Variants in RBMS1 observed in about 807,000 individuals in gnomAD.
RBMS1 encodes the protein RNA binding motif single stranded interacting protein 1, also known as RNA-binding motif, single-stranded-interacting protein 1.
A neutral mutation model predicts 62.3 loss-of-function variants in RBMS1; 17 were observed. The observed-to-expected ratio is 0.27, with a 90% confidence interval of 0.19 to 0.41. The LOEUF (loss-of-function observed/expected upper bound fraction) is 0.41, where lower values mean the gene tolerates loss of function less well. Among genes scored for constraint, RBMS1 ranks in the 10% least tolerant of loss-of-function variants. RBMS1 has a pLI of 1.00. For missense variants in RBMS1, 334 were observed against 504.5 expected, an observed-to-expected ratio of 0.66 and a Z score of 3.24; for synonymous variants, 172 against 170.0, an observed-to-expected ratio of 1.01 and a Z score of -0.09.
intron 1 of RBMS1, among the ~76,000 whole-genome samples, chr2:160,390,762 G>C (rs1694825198): frequency 6.6e-6 from 1 of 151,226 alleles, no homozygotes; most frequent in Non-Finnish European, 1.5e-5. Context: ...ACAAAGCAGA[G>C]GATGGGAAGA....
intron 1 of RBMS1, among the ~76,000 whole-genome samples, chr2:160,428,077 C>T (rs1190644480): frequency 1.3e-5 from 2 of 151,938 alleles, no homozygotes; most frequent in African/African-American, 2.4e-5. Context: ...GGCTATAAGA[C>T]TTTCCATGTA....
At chr2:160,303,552 C>T in intron 4 of RBMS1, 65 bp from the exon 5 acceptor site, 3 of 1,493,806 alleles carry the variant, frequency 2.0e-6, no homozygotes, top group Non-Finnish European at 2.7e-6. Flanking sequence ...TGTTAACACA[C>T]CTATTTTTAT....
At chr2:160,355,022 A>C (rs1405380667) in intron 2 of RBMS1, among the ~76,000 whole-genome samples, 5 of 152,122 alleles carry the variant, frequency 3.3e-5, no homozygotes, top group South Asian at 2.1e-4. Context: ...ATTTCGTCTC[A>C]AAAGTCTCCA....
intron 2 of RBMS1, among the ~76,000 whole-genome samples, chr2:160,344,583 A>C (rs1206230604): frequency 6.6e-6 from 1 of 152,178 alleles, no homozygotes; most frequent in African/African-American, 2.4e-5. Context: ...TAAATTATTC[A>C]AAAGGAGGTC....
chr2:160,403,163 T>C (rs564750880), intron 1 of RBMS1, among the ~76,000 whole-genome samples: 2 of 152,136 alleles, frequency 1.3e-5, no homozygotes, highest in Non-Finnish European at 2.9e-5. Context: ...TAAAATATCA[T>C]CATCATGACT....
chr2:160,384,330 A>G (rs1694456351), intron 1 of RBMS1, among the ~76,000 whole-genome samples: 1 of 152,244 alleles, frequency 6.6e-6, no homozygotes, highest in Non-Finnish European at 1.5e-5. Context: ...GAAATTTAAA[A>G]TGTCATTAGA....
intron 1 of RBMS1, among the ~76,000 whole-genome samples, chr2:160,392,388 G>C (rs1258703189): frequency 6.6e-6 from 1 of 151,930 alleles, no homozygotes; most frequent in Non-Finnish European, 1.5e-5. Context: ...CAGTTACAAA[G>C]GCAGTGCTGA....
intron 10 of RBMS1, chr2:160,278,864 G>A: frequency 2.0e-6 from 1 of 497,862 alleles, no homozygotes; most frequent in Non-Finnish European, 3.6e-6. Flanking sequence ...AGCGTTAGGG[G>A]AAATGATATC....
chr2:160,336,003 C>T (rs1325475287), intron 2 of RBMS1, among the ~76,000 whole-genome samples: 1 of 152,212 alleles, frequency 6.6e-6, no homozygotes, highest in African/African-American at 2.4e-5. Context: ...TCATCATTTT[C>T]TCCTGTTATT....
At chr2:160,405,502 G>T (rs941876168) in intron 1 of RBMS1, among the ~76,000 whole-genome samples, 1 of 152,148 alleles carries the variant, frequency 6.6e-6, no homozygotes, top group African/African-American at 2.4e-5. Flanking sequence ...CCAGGTCCCC[G>T]CGCTGGAAGT....
chr2:160,438,438 G>A (rs1683212021), intron 1 of RBMS1, among the ~76,000 whole-genome samples: 1 of 151,838 alleles, frequency 6.6e-6, no homozygotes, highest in African/African-American at 2.4e-5. Flanking sequence ...CTGGGTACTT[G>A]AGATTAGGGA....
intron 2 of RBMS1, among the ~76,000 whole-genome samples, chr2:160,331,948 T>C (rs893125825): frequency 6.6e-6 from 1 of 151,990 alleles, no homozygotes; most frequent in Non-Finnish European, 1.5e-5. Flanking sequence ...AGCAGAAAAA[T>C]AGGTGCCATG....
rs138135152 is a variant in RBMS1, at chr2:160,305,943, T to A, written c.403-2456A>T. On this transcript the variant is annotated intron_variant, in intron 4 of 13. Coordinates refer to ENST00000348849, the MANE Select transcript of RBMS1 (RefSeq NM_016836.4). ...TGGGACCAAGAGTTTGAGACCAGCCTAGACAACACAGTGAGACCTCATCTC... is the reference window on the plus strand; with the variant it reads ...TGGGACCAAGAGTTTGAGACCAGCCAAGACAACACAGTGAGACCTCATCTC... Among the ~76,000 whole-genome samples the A allele has an allele frequency of 3.2e-3, 494 of 152,148 alleles. 5 individuals are homozygous for A. The highest frequency in any genetic ancestry group is 0.011 in the African/African-American group (476 of 41,488).
At chr2:160,331,504 C>T (rs1376639899) in intron 2 of RBMS1, among the ~76,000 whole-genome samples, 2 of 152,276 alleles carry the variant, frequency 1.3e-5, no homozygotes, top group East Asian at 1.9e-4. Flanking sequence ...TAGGTGTGTG[C>T]CCTTGGACTG....
chr2:160,404,394 G>A (rs116763989), intron 1 of RBMS1, among the ~76,000 whole-genome samples: 170 of 152,180 alleles, frequency 1.1e-3, no homozygotes, highest in African/African-American at 2.3e-3. Flanking sequence ...CTACACAGTC[G>A]ACCCTCCGTA....
At chr2:160,352,843 T>C (rs956194384) in intron 2 of RBMS1, among the ~76,000 whole-genome samples, 2 of 152,134 alleles carry the variant, frequency 1.3e-5, no homozygotes, top group African/African-American at 2.4e-5. Context: ...AGTGACATCA[T>C]TGACTGGTAC....
At chr2:160,398,484 T>C (rs1208228683) in intron 1 of RBMS1, among the ~76,000 whole-genome samples, 1 of 152,134 alleles carries the variant, frequency 6.6e-6, no homozygotes, top group Non-Finnish European at 1.5e-5. Flanking sequence ...CTTACAACCA[T>C]CTCCCCAACC....
At chr2:160,426,836 G>A (rs1682652285) in intron 1 of RBMS1, among the ~76,000 whole-genome samples, 1 of 146,456 alleles carries the variant, frequency 6.8e-6, no homozygotes, top group Non-Finnish European at 1.5e-5. Flanking sequence ...TCTCACTGCT[G>A]GAGGGAGGGG....
At chr2:160,391,236 GAC>G (rs569548363) in intron 1 of RBMS1, among the ~76,000 whole-genome samples, 6 of 149,440 alleles carry the variant, frequency 4.0e-5, no homozygotes, top group African/African-American at 1.5e-4. Context: ...GAGAAGTTTG[GAC>G]ACAGACAGGC....
Sources: gnomAD v4.1 joint callset for allele counts (sites outside exome capture counted in the v4.1 genomes callset) on GRCh38, gnomAD v4.1.1 for gene constraint, MANE v1.5 for transcripts, NCBI Gene and HGNC (gene_info 2026-07-23, HGNC 2026-07-21) for gene names.